The following DRC9 variants were observed in gnomAD, a reference collection of about 807,000 sequenced individuals.
DRC9 encodes the protein dynein regulatory complex protein 9.
the DRC9 span, among the ~76,000 whole-genome samples, chr3:197,951,821 C>T: frequency 6.6e-6 from 1 of 151,968 alleles, no homozygotes; most frequent in Admixed American, 6.5e-5. Context: ...CCTCAGCCTC[C>T]TGAGTAGCTG....
the DRC9 span, among the ~76,000 whole-genome samples, chr3:197,899,252 T>C: frequency 5.9e-4 from 90 of 152,326 alleles, no homozygotes; most frequent in African/African-American, 2.0e-3. Context: ...AGGCATTAGC[T>C]AAAAAATAAA....
At chr3:197,951,154 C>T in the DRC9 span, 2 of 1,614,038 alleles carry the variant, frequency 1.2e-6, no homozygotes, top group Non-Finnish European at 1.7e-6. Flanking sequence ...TCTTTTGTGT[C>T]TTAGGCTGTG....
the DRC9 span, chr3:197,953,944 T>G: frequency 1.3e-6 from 2 of 1,595,920 alleles, no homozygotes; most frequent in South Asian, 1.1e-5. Context: ...AGAGGTCACC[T>G]TGAATTTGTA....
At chr3:197,912,520 T>C in the DRC9 span, 9 of 643,408 alleles carry the variant, frequency 1.4e-5, no homozygotes, top group Non-Finnish European at 1.9e-5. Flanking sequence ...ATAAGATATC[T>C]ATTCAGATGC....
the DRC9 span, among the ~76,000 whole-genome samples, chr3:197,906,156 T>A: frequency 6.6e-6 from 1 of 152,082 alleles, no homozygotes; most frequent in East Asian, 1.9e-4. Context: ...GCTGTGTCAG[T>A]AGAGGGCGCT....
chr3:197,960,118 T>A, the DRC9 span: 847 of 933,438 alleles, frequency 9.1e-4, 15 homozygotes, highest in South Asian at 0.014. Flanking sequence ...TTCTAGCGGG[T>A]GACGCTGTCC....
chr3:197,921,739 C>T, the DRC9 span, among the ~76,000 whole-genome samples: 132 of 124,948 alleles, frequency 1.1e-3, no homozygotes, highest in African/African-American at 4.5e-3. Context: ...TTGGTCGACC[C>T]GACTACTGGT....
At chr3:197,932,957 T>TTATTATATATTATATTATATTG in the DRC9 span, among the ~76,000 whole-genome samples, 1 of 135,440 alleles carries the variant, frequency 7.4e-6, no homozygotes, top group South Asian at 2.1e-4. Flanking sequence ...ATATTATATA[T>TTATTATATATTATATTATATTG]TATTATATAT....
the DRC9 span, among the ~76,000 whole-genome samples, chr3:197,890,399 T>C: frequency 6.8e-6 from 1 of 146,854 alleles, no homozygotes; most frequent in Non-Finnish European, 1.5e-5. Context: ...AGTGAGATGC[T>C]GTCTCAAAAA....
At chr3:197,932,082 G>A in the DRC9 span, 19 of 1,346,498 alleles carry the variant, frequency 1.4e-5, no homozygotes, top group Admixed American at 5.9e-5. Flanking sequence ...GAAAGCACAC[G>A]GTTGGTTTGC....
At chr3:197,953,962 A>G in the DRC9 span, 12 of 1,609,018 alleles carry the variant, frequency 7.5e-6, no homozygotes, top group Admixed American at 1.7e-5. Context: ...GTATCCAACT[A>G]TATCAGCTTG....
chr3:197,892,552 C>T, the DRC9 span: 1 of 1,560,302 alleles, frequency 6.4e-7, no homozygotes, highest in Non-Finnish European at 8.8e-7. Context: ...TGCCCTAATT[C>T]CTTCCACTCC....
chr3:197,892,979 G>A, the DRC9 span, among the ~76,000 whole-genome samples: 1 of 152,158 alleles, frequency 6.6e-6, no homozygotes, highest in South Asian at 2.1e-4. Context: ...CTTTATCCAG[G>A]TGGTGGTTAC....
the DRC9 span, among the ~76,000 whole-genome samples, chr3:197,939,330 A>G: frequency 1.3e-4 from 20 of 152,226 alleles, no homozygotes; most frequent in African/African-American, 4.8e-4. Context: ...CTAAAAGCAG[A>G]GGTTGATAGT....
the DRC9 span, among the ~76,000 whole-genome samples, chr3:197,934,740 G>A: frequency 6.6e-6 from 1 of 151,626 alleles, no homozygotes; most frequent in Non-Finnish European, 1.5e-5. Flanking sequence ...GGCCGAGGCA[G>A]GAGGATCGCT....
the DRC9 span, among the ~76,000 whole-genome samples, chr3:197,947,554 A>G: frequency 6.6e-6 from 1 of 152,134 alleles, no homozygotes; most frequent in African/African-American, 2.4e-5. Flanking sequence ...TGCACCTGCT[A>G]TTCCTTCCAG....
chr3:197,893,850 A>C, the DRC9 span, among the ~76,000 whole-genome samples: 3 of 151,154 alleles, frequency 2.0e-5, no homozygotes, highest in African/African-American at 7.4e-5. Context: ...TCCGTCTCAA[A>C]AAAAAAGAAA....
the DRC9 span, among the ~76,000 whole-genome samples, chr3:197,944,908 T>G: frequency 6.6e-6 from 1 of 152,212 alleles, no homozygotes; most frequent in African/African-American, 2.4e-5. Context: ...ATGTAGTTCA[T>G]GCAATTTGGC....
At chr3:197,923,994 A>G in the DRC9 span, among the ~76,000 whole-genome samples, 3 of 152,068 alleles carry the variant, frequency 2.0e-5, no homozygotes, top group African/African-American at 7.2e-5. Flanking sequence ...TGAGCGCAGG[A>G]TTGCAATGAA....
Sources: gnomAD v4.1 joint callset for allele counts (sites outside exome capture counted in the v4.1 genomes callset) on GRCh38, gnomAD v4.1.1 for gene constraint, MANE v1.5 for transcripts, NCBI Gene and HGNC (gene_info 2026-07-23, HGNC 2026-07-21) for gene names.